SUGCT: variants seen among roughly 807,000 people sequenced by gnomAD.
SUGCT encodes succinyl-CoA:glutarate CoA-transferase.
SUGCT carries 41 observed loss-of-function variants against 55.0 expected under a neutral mutation model. The observed-to-expected ratio is 0.74, with a 90% CI of 0.58 to 0.97. SUGCT has a LOEUF of 0.97. Among genes scored for constraint, SUGCT ranks in the 50% least tolerant of loss-of-function variants. SUGCT has a pLI of 0.00. For synonymous variants in SUGCT, 187 were observed against 200.4 expected (o/e 0.93, Z 0.56); for missense variants, 568 against 547.8 (o/e 1.04, Z -0.37).
At chr7:41,003,637 G>A in the SUGCT span, among the ~76,000 whole-genome samples, 1 of 152,140 alleles carries the variant, frequency 6.6e-6, no homozygotes, top group Non-Finnish European at 1.5e-5. Flanking sequence ...TCCAGCACAG[G>A]TAATGGAGAC....
Position 40,250,828 on chromosome 7 carries a change from CTTTTTTTTTTTTTT to C in SUGCT, c.576+13115_576+13128del, listed in dbSNP as rs67372014. Among the ~76,000 whole-genome samples, 635 of 121,242 alleles carry C rather than the reference CTTTTTTTTTTTTTT, an allele frequency of 5.2e-3. 7 individuals are homozygous for C. The highest frequency in any genetic ancestry group is 0.021 in the African/African-American group (570 of 27,430). 79.5% of individuals were successfully genotyped at this position (121,242 alleles called of 152,430 possible). A position where few individuals can be genotyped will look rare whatever the true frequency, so the allele number is the denominator to read the frequency against. Reference sequence around the variant, plus strand: ...AAGATGTTGAAGTCATTTCACGCTTCTTTTTTTTTTTTTTTTTTTTTTTTTTAAGACGGGGTCTC... The same window carrying C: ...AAGATGTTGAAGTCATTTCACGCTTCTTTTTTTTTTTTAAGACGGGGTCTC... On this transcript the variant is annotated intron_variant, in intron 7 of 13. Transcript: ENST00000335693.
At chr7:41,028,978 A>G in the SUGCT span, among the ~76,000 whole-genome samples, 1 of 152,220 alleles carries the variant, frequency 6.6e-6, no homozygotes, top group Admixed American at 6.5e-5. Flanking sequence ...GAAGAGCTTT[A>G]GGGAACAAGA....
chr7:40,931,459 C>G, the SUGCT span, among the ~76,000 whole-genome samples: 1 of 152,174 alleles, frequency 6.6e-6, no homozygotes. Context: ...GAAGGATTCC[C>G]TCTTTTTCTA....
At chr7:40,670,267 C>T (rs1801872505) in intron 12 of SUGCT, among the ~76,000 whole-genome samples, 1 of 147,388 alleles carries the variant, frequency 6.8e-6, no homozygotes, top group Non-Finnish European at 1.5e-5. Flanking sequence ...AAAAGCAGAG[C>T]AAAATAAAAC....
At chr7:40,644,210 T>C (rs535742584) in intron 12 of SUGCT, among the ~76,000 whole-genome samples, 2 of 152,276 alleles carry the variant, frequency 1.3e-5, no homozygotes, top group East Asian at 1.9e-4. Flanking sequence ...AAATCCTTAT[T>C]CCTTGGCAGT....
At chr7:40,376,437 T>C (rs1784548404) in intron 9 of SUGCT, among the ~76,000 whole-genome samples, 3 of 151,936 alleles carry the variant, frequency 2.0e-5, no homozygotes, top group African/African-American at 7.3e-5. Context: ...TCACCCAGGC[T>C]GGAATGCAGT....
At chr7:40,913,059 G>A in the SUGCT span, among the ~76,000 whole-genome samples, 1 of 139,144 alleles carries the variant, frequency 7.2e-6, no homozygotes, top group Non-Finnish European at 1.5e-5. Flanking sequence ...TCGCTGGCCT[G>A]GAGTGCAGTG....
intron 13 of SUGCT, among the ~76,000 whole-genome samples, chr7:40,847,214 C>T (rs981499089): frequency 6.6e-6 from 1 of 151,680 alleles, no homozygotes; most frequent in African/African-American, 2.4e-5. Context: ...ACAAACAATT[C>T]CCAAATAACA....
the SUGCT span, among the ~76,000 whole-genome samples, chr7:40,894,146 G>A: frequency 6.6e-6 from 1 of 151,844 alleles, no homozygotes; most frequent in Non-Finnish European, 1.5e-5. Context: ...ATAGACCAGT[G>A]GAACAGAATA....
chr7:40,362,911 T>G (rs1246704879), intron 9 of SUGCT, among the ~76,000 whole-genome samples: 1 of 152,174 alleles, frequency 6.6e-6, no homozygotes, highest in East Asian at 1.9e-4. Context: ...ATAGATCTAA[T>G]TTTAAAAATC....
chr7:40,781,543 G>A (rs1185056242), intron 13 of SUGCT, among the ~76,000 whole-genome samples: 1 of 152,032 alleles, frequency 6.6e-6, no homozygotes, highest in African/African-American at 2.4e-5. Flanking sequence ...TAATAATGAA[G>A]CTATATAAGT....
intron 12 of SUGCT, among the ~76,000 whole-genome samples, chr7:40,705,219 A>G (rs1342509641): frequency 6.6e-6 from 1 of 152,174 alleles, no homozygotes; most frequent in Non-Finnish European, 1.5e-5. Context: ...AGTTGCAAAA[A>G]TCATGTGGAG....
At chr7:40,755,437 A>G (rs1788204428) in intron 13 of SUGCT, among the ~76,000 whole-genome samples, 1 of 152,234 alleles carries the variant, frequency 6.6e-6, no homozygotes, top group Non-Finnish European at 1.5e-5. Context: ...GAGATGGGCC[A>G]TTATGTAAAT....
the SUGCT span, among the ~76,000 whole-genome samples, chr7:40,874,029 CACCA>C: frequency 0.5 from 75,375 of 151,730 alleles, 19,752 homozygotes; most frequent in East Asian, 0.9. Flanking sequence ...TAGACAGGAA[CACCA>C]ACCACTGGCA....
chr7:40,393,452 G>T (rs1055988899), intron 9 of SUGCT, among the ~76,000 whole-genome samples: 8 of 152,322 alleles, frequency 5.3e-5, no homozygotes, highest in South Asian at 2.1e-4. Context: ...CACATTGGGT[G>T]TAGAAGTAAA....
the SUGCT span, among the ~76,000 whole-genome samples, chr7:40,974,157 A>G: frequency 6.6e-6 from 1 of 152,050 alleles, no homozygotes; most frequent in African/African-American, 2.4e-5. Context: ...AAGAAAAGTG[A>G]CTCTATTTTT....
chr7:40,485,085 C>A (rs923172765), intron 11 of SUGCT, among the ~76,000 whole-genome samples: 1 of 151,938 alleles, frequency 6.6e-6, no homozygotes, highest in African/African-American at 2.4e-5. Flanking sequence ...TAGCACAGAG[C>A]CTTGCATTTA....
chr7:40,144,957 A>G lies in SUGCT; in HGVS notation c.100+9837A>G, dbSNP rs180808741. 5.8e-4 allele frequency among the ~76,000 whole-genome samples: 88 copies of G among 152,330 alleles called. No homozygotes were observed. The East Asian group carries it at 0.015, about 27-fold the overall frequency. ...TTTATCCAATTTTTAATGTCTGACCATAAGGTAAGATTTTTATAGACTCTT... is the reference window on the plus strand; with the variant it reads ...TTTATCCAATTTTTAATGTCTGACCGTAAGGTAAGATTTTTATAGACTCTT... On this transcript the variant is annotated intron_variant, in intron 1 of 13. Transcript: ENST00000335693.
chr7:40,848,922 T>C (rs1339543848), intron 13 of SUGCT, among the ~76,000 whole-genome samples: 1 of 152,200 alleles, frequency 6.6e-6, no homozygotes, highest in East Asian at 1.9e-4. Flanking sequence ...GTGCATTGGA[T>C]GCTATGGCTG....
Sources: gnomAD v4.1 joint callset for allele counts (sites outside exome capture counted in the v4.1 genomes callset) on GRCh38, gnomAD v4.1.1 for gene constraint, MANE v1.5 for transcripts, NCBI Gene and HGNC (gene_info 2026-07-23, HGNC 2026-07-21) for gene names.